RBFOX1: variants seen among roughly 807,000 people sequenced by gnomAD.
The protein encoded by RBFOX1 is RNA binding protein fox-1 homolog 1.
RBFOX1 carries 8 observed loss-of-function variants against 57.7 expected under a neutral mutation model. That is an observed-to-expected ratio of 0.14 (90% CI 0.08 to 0.25). The LOEUF (loss-of-function observed/expected upper bound fraction) is 0.25, where lower values mean the gene tolerates loss of function less well. Ranked by LOEUF, RBFOX1 falls within the 10% of genes least tolerant of loss-of-function variation. The pLI is 1.00. For missense variants in RBFOX1, 611 were observed against 548.5 expected, an observed-to-expected ratio of 1.11 and a Z score of -1.14; for synonymous variants, 326 against 222.4, an observed-to-expected ratio of 1.47 and a Z score of -4.15.
intron 8 of RBFOX1, among the ~76,000 whole-genome samples, chr16:7,596,922 C>T (rs572372016): frequency 2.6e-5 from 4 of 152,270 alleles, no homozygotes; most frequent in East Asian, 1.9e-4. Context: ...GTGTTGCACA[C>T]GGCTAAGACT....
chr16:6,463,724 A>G (rs952746058), intron 2 of RBFOX1, among the ~76,000 whole-genome samples: 1 of 152,232 alleles, frequency 6.6e-6, no homozygotes, highest in Non-Finnish European at 1.5e-5. Context: ...CCGCCATTAT[A>G]CAGCAGAAAG....
chr16:6,839,786 T>C lies in RBFOX1; in HGVS notation c.-16+185136T>C, dbSNP rs369194666. Among the ~76,000 whole-genome samples the C allele has an allele frequency of 3.7e-4, 57 of 152,364 alleles. 1 individual carries two copies. Among genetic ancestry groups the C allele is most frequent in the African/African-American group, 1.3e-3 (52 of 41,588 alleles). On this transcript the variant is annotated intron_variant, in intron 3 of 15. Transcript: ENST00000550418. ...GAAACATTTGGATGTAGAAAGTGGA[T>C]TGTAGTCATAGCTAAAATCATAGCA...
At chr16:6,028,745 C>G (rs1246717163) in intron 1 of RBFOX1, among the ~76,000 whole-genome samples, 1 of 152,108 alleles carries the variant, frequency 6.6e-6, no homozygotes, top group African/African-American at 2.4e-5. Flanking sequence ...AGAGATTGTT[C>G]AGTCTGAATT....
At chr16:6,640,845 C>T (rs991222686) in intron 2 of RBFOX1, among the ~76,000 whole-genome samples, 6 of 151,992 alleles carry the variant, frequency 3.9e-5, no homozygotes, top group African/African-American at 1.2e-4. Flanking sequence ...TGTTCTAGCC[C>T]CATCTTAGGA....
chr16:6,722,769 T>G (rs1209877353), intron 3 of RBFOX1, among the ~76,000 whole-genome samples: 1 of 152,226 alleles, frequency 6.6e-6, no homozygotes, highest in Non-Finnish European at 1.5e-5. Context: ...ATGAATTATG[T>G]AGGCATATCT....
chr16:5,266,203 G>A (rs2062853211), intron 1 of RBFOX1, among the ~76,000 whole-genome samples: 1 of 152,146 alleles, frequency 6.6e-6, no homozygotes, highest in Non-Finnish European at 1.5e-5. Context: ...TGACACTGCT[G>A]ACATTTTGGC....
chr16:5,767,811 C>A (rs556518324), intron 3 of RBFOX1, among the ~76,000 whole-genome samples: 1 of 152,142 alleles, frequency 6.6e-6, no homozygotes, highest in African/African-American at 2.4e-5. Flanking sequence ...AAATGAGGGG[C>A]TCTCGACTTT....
chr16:6,972,172 G>C (rs1022912910), intron 3 of RBFOX1, among the ~76,000 whole-genome samples: 3 of 151,704 alleles, frequency 2.0e-5, no homozygotes, highest in African/African-American at 7.3e-5. Flanking sequence ...GTATATTCAC[G>C]TTGTTGTGAT....
At chr16:5,313,636 C>G (rs1053860160) in intron 1 of RBFOX1, among the ~76,000 whole-genome samples, 2 of 152,084 alleles carry the variant, frequency 1.3e-5, no homozygotes, top group African/African-American at 4.8e-5. Context: ...AGGAGCAAGG[C>G]TATGTCTTAC....
At chr16:5,400,384 C>T (rs1171045064) in intron 1 of RBFOX1, among the ~76,000 whole-genome samples, 3 of 152,270 alleles carry the variant, frequency 2.0e-5, no homozygotes, top group Non-Finnish European at 4.4e-5. Flanking sequence ...TGAGCCACCA[C>T]ACCCGGCCAC....
chr16:7,604,457 A>G (rs1011667535), intron 9 of RBFOX1, among the ~76,000 whole-genome samples: 4 of 152,268 alleles, frequency 2.6e-5, no homozygotes, highest in African/African-American at 9.6e-5. Context: ...ACTTGCAAAC[A>G]TGAGATAGCA....
chr16:6,684,481 G>A (rs942572908), intron 3 of RBFOX1, among the ~76,000 whole-genome samples: 2 of 152,192 alleles, frequency 1.3e-5, no homozygotes, highest in African/African-American at 4.8e-5. Context: ...CTGAACTTAA[G>A]TCTTGCAAAC....
intron 2 of RBFOX1, among the ~76,000 whole-genome samples, chr16:5,480,451 T>C (rs2677798): frequency 0.78 from 117,826 of 151,854 alleles, 45,752 homozygotes; most frequent in Middle Eastern, 0.88. Flanking sequence ...AAGAAGAAAA[T>C]AAAAAATGTT....
At chr16:6,399,355 C>T (rs1048459076) in intron 2 of RBFOX1, among the ~76,000 whole-genome samples, 5 of 152,168 alleles carry the variant, frequency 3.3e-5, no homozygotes, top group Non-Finnish European at 4.4e-5. Context: ...GTTACTTATG[C>T]GGATTTCTTC....
chr16:5,918,613 C>T (rs1336901999), intron 4 of RBFOX1, among the ~76,000 whole-genome samples: 2 of 152,158 alleles, frequency 1.3e-5, no homozygotes, highest in South Asian at 2.1e-4. Context: ...ATTAAAACCC[C>T]TCTAAAATTT....
chr16:7,001,760 T>G (rs894650311), intron 3 of RBFOX1, among the ~76,000 whole-genome samples: 1 of 151,878 alleles, frequency 6.6e-6, no homozygotes, highest in Non-Finnish European at 1.5e-5. Flanking sequence ...CTGGCCTCTA[T>G]TATTTGTTTT....
Position 6,809,824 on chromosome 16 carries a change from G to A in RBFOX1, c.-16+155174G>A, listed in dbSNP as rs944156572. On this transcript the variant is annotated intron_variant, in intron 3 of 15. Coordinates refer to ENST00000550418, the MANE Select transcript of RBFOX1 (RefSeq NM_018723.4). ...CCAAAAATCTTATTCCAATTCTCTG[G>A]AAGAGTGCTGTCGTACCAAGTGTAA... is the stretch of plus-strand genomic sequence containing the variant. Among the ~76,000 whole-genome samples, 9 of 152,214 alleles carry A rather than the reference G, an allele frequency of 5.9e-5. No individual in the cohort carries two copies. In the South Asian group the frequency reaches 1.7e-3, roughly 28 times the overall value.
intron 3 of RBFOX1, among the ~76,000 whole-genome samples, chr16:5,635,642 A>G (rs976607247): frequency 2.4e-5 from 3 of 125,812 alleles, no homozygotes; most frequent in African/African-American, 9.2e-5. Flanking sequence ...CATGCATGCA[A>G]TTTGCATTTC....
intron 2 of RBFOX1, among the ~76,000 whole-genome samples, chr16:5,559,816 A>T (rs1332730675): frequency 2.0e-5 from 3 of 152,140 alleles, no homozygotes; most frequent in African/African-American, 7.2e-5. Flanking sequence ...TGCTTCCAGG[A>T]TGTGCACGGA....
Sources: allele counts gnomAD v4.1 joint callset (sites outside exome capture counted in the v4.1 genomes callset), GRCh38; gene constraint gnomAD v4.1.1; transcripts MANE v1.5; gene names NCBI Gene and HGNC (gene_info 2026-07-23, HGNC 2026-07-21).